The following MCC variants were observed in gnomAD, a reference collection of about 807,000 sequenced individuals.
The protein encoded by MCC is MCC regulator of Wnt signaling pathway.
Under a neutral mutation model 116.2 loss-of-function variants are expected in MCC, and 90 were observed. The observed-to-expected ratio is 0.77, with a 90% CI of 0.65 to 0.92. The LOEUF (loss-of-function observed/expected upper bound fraction) is 0.92, where lower values mean the gene tolerates loss of function less well. MCC is among the 40% of genes least tolerant of loss of function. The probability of loss-of-function intolerance (pLI) is 0.00; values close to 1 mark genes in which losing one functional copy is unlikely to be tolerated. For synonymous variants in MCC, 578 were observed against 510.5 expected (o/e 1.13, Z -1.78); for missense variants, 1,516 against 1,312.2 (o/e 1.16, Z -2.40).
In MCC at chr5:113,046,710, A is replaced by AAG. The variant is rs1554107699; in HGVS notation, c.2655+2381_2655+2382dup. ...CAAAAAAAAAAAAAAAAAAAAAAAA[A>AAG]AGAGAGAGATTTTGAAGGTGTTTGT... is the stretch of plus-strand genomic sequence containing the variant. On this transcript the variant is annotated intron_variant, in intron 16 of 18. Transcript: ENST00000408903. 9.9e-3 allele frequency among the ~76,000 whole-genome samples: 1,018 copies of AAG among 102,390 alleles called. 168 individuals are homozygous for AAG. Among genetic ancestry groups the AAG allele is most frequent in the Middle Eastern group, 0.024 (4 of 168 alleles). 67.2% of individuals were successfully genotyped at this position (102,390 alleles called of 152,430 possible).
intron 1 of MCC, among the ~76,000 whole-genome samples, chr5:113,485,023 A>G (rs1772479361): frequency 6.6e-6 from 1 of 152,162 alleles, no homozygotes; most frequent in Non-Finnish European, 1.5e-5. Context: ...TACCTTAACT[A>G]TTGATGGGGA....
At chr5:113,061,923 A>AT (rs1753252470) in intron 14 of MCC, among the ~76,000 whole-genome samples, 1 of 152,258 alleles carries the variant, frequency 6.6e-6, no homozygotes, top group African/African-American at 2.4e-5. Flanking sequence ...CAAAATTACT[A>AT]TAATTATCAT....
chr5:113,334,738 G>A (rs926042660), intron 3 of MCC, among the ~76,000 whole-genome samples: 1 of 150,642 alleles, frequency 6.6e-6, no homozygotes, highest in Non-Finnish European at 1.5e-5. Flanking sequence ...TTACAGGCAC[G>A]CACCACCACA....
At chr5:113,102,069 AAT>A (rs2150255279) in intron 7 of MCC, 124 bp from the exon 8 acceptor site, 6 of 882,028 alleles carry the variant, frequency 6.8e-6, no homozygotes, top group African/African-American at 1.7e-5. Flanking sequence ...CTTTGTTATA[AAT>A]AGTGATCATG....
intron 5 of MCC, among the ~76,000 whole-genome samples, chr5:113,141,279 C>T (rs531724877): frequency 2.0e-5 from 3 of 152,330 alleles, no homozygotes; most frequent in African/African-American, 7.2e-5. Context: ...CTGAGATTTA[C>T]ACCATCAGCT....
At chr5:113,072,311 G>T (rs945508137) in intron 11 of MCC, among the ~76,000 whole-genome samples, 3 of 152,198 alleles carry the variant, frequency 2.0e-5, no homozygotes, top group African/African-American at 7.2e-5. Flanking sequence ...GAAGAACTAA[G>T]ATCACTGCCA....
At chr5:113,478,938 T>C (rs1258618184) in intron 1 of MCC, among the ~76,000 whole-genome samples, 1 of 152,226 alleles carries the variant, frequency 6.6e-6, no homozygotes, top group Admixed American at 6.5e-5. Context: ...TATGAATATC[T>C]GGTAAGCACT....
intron 1 of MCC, among the ~76,000 whole-genome samples, chr5:113,469,864 T>G (rs1402350991): frequency 1.3e-5 from 2 of 152,302 alleles, no homozygotes; most frequent in African/African-American, 4.8e-5. Context: ...ATCTGGGTGC[T>G]CCTGTATTGG....
chr5:113,217,688 T>C (rs1763377706), intron 3 of MCC, among the ~76,000 whole-genome samples: 1 of 150,160 alleles, frequency 6.7e-6, no homozygotes, highest in African/African-American at 2.5e-5. Context: ...CTTCCACCTG[T>C]GCCCCTAATC....
At chr5:113,466,597 G>A in intron 1 of MCC, among the ~76,000 whole-genome samples, 1 of 151,970 alleles carries the variant, frequency 6.6e-6, no homozygotes, top group East Asian at 1.9e-4. Flanking sequence ...TGGACATTTA[G>A]GTTGGTTCCA....
chr5:113,306,571 G>C (rs1452102834), intron 3 of MCC, among the ~76,000 whole-genome samples: 1 of 152,070 alleles, frequency 6.6e-6, no homozygotes, highest in Non-Finnish European at 1.5e-5. Flanking sequence ...AAATTGGGTT[G>C]TCTTTTTATT....
chr5:113,033,657 G>GT, intron 17 of MCC, among the ~76,000 whole-genome samples: 1 of 152,252 alleles, frequency 6.6e-6, no homozygotes, highest in East Asian at 1.9e-4. Flanking sequence ...TTCATACAGT[G>GT]TTTCCTGGAA....
Position 113,025,799 on chromosome 5 carries a change from T to A in MCC, c.*1503A>T, listed in dbSNP as rs376882957. 2.6e-5 allele frequency: 4 copies of A among 152,206 alleles called. No individual in the cohort carries two copies. The highest frequency in any genetic ancestry group is 9.6e-5 in the African/African-American group (4 of 41,460). 9.4% of individuals were successfully genotyped at this position (152,206 alleles called of 1,614,324 possible). ...GGATACAGCTGTCTGCCCTCCGAAC[T>A]GGTGGCTGGAGTATCCTCCAGCGAA... On this transcript the variant is annotated 3_prime_UTR_variant, in exon 19 of 19. Coordinates refer to ENST00000408903, the MANE Select transcript of MCC (RefSeq NM_001085377.2).
intron 1 of MCC, chr5:113,435,044 G>A (rs1770808378): frequency 1.6e-6 from 1 of 608,052 alleles, no homozygotes; most frequent in Non-Finnish European, 2.9e-6. Flanking sequence ...CACAAAGGAG[G>A]AGTGCCCTGG....
chr5:113,065,140 C>T (rs1419204609), intron 13 of MCC, among the ~76,000 whole-genome samples: 1 of 152,116 alleles, frequency 6.6e-6, no homozygotes, highest in Non-Finnish European at 1.5e-5. Flanking sequence ...ATACATTGGC[C>T]CAAACCCATA....
At chr5:113,290,170 T>C (rs1044153965) in intron 3 of MCC, among the ~76,000 whole-genome samples, 5 of 152,252 alleles carry the variant, frequency 3.3e-5, no homozygotes, top group African/African-American at 9.6e-5. Flanking sequence ...TTTCAGGAGT[T>C]ACTCAACACG....
intron 3 of MCC, among the ~76,000 whole-genome samples, chr5:113,237,933 G>A (rs936056602): frequency 6.6e-6 from 1 of 152,204 alleles, no homozygotes; most frequent in South Asian, 2.1e-4. Flanking sequence ...TTCCATGAAT[G>A]AGTATGGTTT....
At chr5:113,110,819 G>C (rs1385046066) in intron 6 of MCC, among the ~76,000 whole-genome samples, 1 of 152,146 alleles carries the variant, frequency 6.6e-6, no homozygotes, top group African/African-American at 2.4e-5. Flanking sequence ...TTTTAAAACA[G>C]TTTTTGAGTT....
intron 3 of MCC, among the ~76,000 whole-genome samples, chr5:113,253,637 T>C (rs1469919039): frequency 6.6e-6 from 1 of 151,922 alleles, no homozygotes; most frequent in African/African-American, 2.4e-5. Flanking sequence ...GGCATCCATA[T>C]GGATAGGTAA....
Sources: allele counts gnomAD v4.1 joint callset (sites outside exome capture counted in the v4.1 genomes callset), GRCh38; gene constraint gnomAD v4.1.1; transcripts MANE v1.5; gene names NCBI Gene and HGNC (gene_info 2026-07-23, HGNC 2026-07-21).